The following UIMC1 variants were observed in gnomAD, a reference collection of about 807,000 sequenced individuals.
UIMC1 encodes ubiquitin interaction motif containing 1.
In UIMC1, 42 loss-of-function variants were observed where a neutral mutation model predicts 84.9. The observed-to-expected ratio is 0.49, with a 90% confidence interval of 0.39 to 0.64. The LOEUF is 0.64. UIMC1 is among the 30% of genes least tolerant of loss of function. The pLI is 0.00. For missense variants in UIMC1, 825 were observed against 847.6 expected (o/e 0.97, Z 0.33); for synonymous variants, 281 against 293.0 (o/e 0.96, Z 0.42).
intron 9 of UIMC1, among the ~76,000 whole-genome samples, chr5:176,947,004 C>T (rs866621128): frequency 5.9e-5 from 9 of 152,108 alleles, no homozygotes; most frequent in Admixed American, 1.3e-4. Flanking sequence ...TGTTACATGA[C>T]GCAAATGTGT....
At chr5:176,933,501 C>T (rs903165976) in intron 10 of UIMC1, among the ~76,000 whole-genome samples, 1 of 151,668 alleles carries the variant, frequency 6.6e-6, no homozygotes, top group Non-Finnish European at 1.5e-5. Context: ...TAAAGAACTA[C>T]ATTACAAGGC....
At chr5:177,011,662 G>A (rs974000111), upstream of UIMC1, among the ~76,000 whole-genome samples, 1 of 152,070 alleles carries the variant, frequency 6.6e-6, no homozygotes, top group Non-Finnish European at 1.5e-5. Flanking sequence ...CTTAGATTTG[G>A]CAATAATATA....
chr5:177,017,497 C>CCTGCCT lies in UIMC1; in HGVS notation c.-9+4961_-9+4966dup, dbSNP rs1240969761. Among the ~76,000 whole-genome samples, 5 of 152,276 alleles carry CCTGCCT rather than the reference C, an allele frequency of 3.3e-5. No homozygotes were observed. The South Asian group carries it at 1.0e-3, about 32-fold the overall frequency. ...CCGTCTCCTGGGTTCAAGCAATTCT[C>CCTGCCT]CTGCCTCTGCCTCCTGAGTAGCTGG... On this transcript the variant is annotated intron_variant, in intron 1 of 5. Transcript: ENST00000509236.
Position 176,906,002 on chromosome 5 carries a change from C to G in UIMC1, c.1949+9G>C, listed in dbSNP as rs773342128. 2 of 1,614,084 alleles carry G rather than the reference C, an allele frequency of 1.2e-6. No homozygotes were observed. The highest frequency in any genetic ancestry group is 1.7e-6 in the Non-Finnish European group (2 of 1,179,970). On this transcript the variant is annotated intron_variant, in intron 14 of 14. Transcript: ENST00000511320. ...TGACAGCCACAATTCAGTGCACAAT[C>G]CAATTCACCTGAAGGCTCCTGTTTC...
chr5:176,954,688 G>A (rs1403355142), intron 8 of UIMC1, among the ~76,000 whole-genome samples: 6 of 149,724 alleles, frequency 4.0e-5, no homozygotes, highest in Middle Eastern at 3.2e-3. Context: ...GGAGTTCAAG[G>A]TTACAGTCAG....
intron 1 of UIMC1, among the ~76,000 whole-genome samples, chr5:177,000,785 C>A: frequency 6.6e-6 from 1 of 152,212 alleles, no homozygotes; most frequent in South Asian, 2.1e-4. Flanking sequence ...CAAGCCTGAG[C>A]TACCGTGCCC....
At chr5:176,932,786 A>AC in intron 10 of UIMC1, among the ~76,000 whole-genome samples, 1 of 143,512 alleles carries the variant, frequency 7.0e-6, no homozygotes, top group East Asian at 2.0e-4. Context: ...GCCCCTGCTG[A>AC]CCCCCGGTGA....
chr5:176,936,728 C>G (rs1763756532), intron 10 of UIMC1, among the ~76,000 whole-genome samples: 1 of 152,176 alleles, frequency 6.6e-6, no homozygotes. Context: ...GTAGCACTCT[C>G]CCCACCTCAC....
rs565806253 is a variant in UIMC1, at chr5:176,925,240, G to GA, written c.1598-13852dup. 1.5e-4 allele frequency among the ~76,000 whole-genome samples: 23 copies of GA among 152,044 alleles called. No individual in the cohort carries two copies. In the South Asian group the frequency reaches 3.8e-3, roughly 25 times the overall value. ...ATACAAAATTAGACAACAATCATGT[G>GA]AAAAAAAGTGCTCAACATCATTAGC... On this transcript the variant is annotated intron_variant, in intron 10 of 14. Transcript: ENST00000511320.
intron 6 of UIMC1, among the ~76,000 whole-genome samples, chr5:176,968,111 C>T (rs1156675842): frequency 6.6e-6 from 1 of 152,026 alleles, no homozygotes; most frequent in African/African-American, 2.4e-5. Context: ...TGGTGGCTCA[C>T]GCCTGTAATC....
chr5:177,006,525 C>G (rs1024673899), intron 1 of UIMC1, 125 bp downstream of exon 1: 2 of 152,308 alleles, frequency 1.3e-5, no homozygotes, highest in African/African-American at 2.4e-5. Context: ...GCCCCGGCGT[C>G]GGGAGAGGCC....
In UIMC1 at chr5:176,960,865, G is replaced by A. The variant is rs1352406159; in HGVS notation, c.1201-2711C>T. On this transcript the variant is annotated intron_variant, in intron 6 of 14. Transcript: ENST00000511320. Reference sequence around the variant, plus strand: ...CCGGGCCGGTCTCCAGCCCCTAACCGCGAGTGATCCGCCAACCTCGGCCTC... The same window carrying A: ...CCGGGCCGGTCTCCAGCCCCTAACCACGAGTGATCCGCCAACCTCGGCCTC... Among the ~76,000 whole-genome samples, 2 of 60,890 alleles carry A rather than the reference G, an allele frequency of 3.3e-5. 1 individual carries two copies. The highest frequency in any genetic ancestry group is 5.9e-5 in the Non-Finnish European group (2 of 33,636). The allele number at this position is 60,890 out of a possible 152,430, so 39.9% of individuals were successfully genotyped here. A position where few individuals can be genotyped will look rare whatever the true frequency, so the allele number is the denominator to read the frequency against.
At chr5:176,917,132 C>G (rs954194152) in intron 10 of UIMC1, among the ~76,000 whole-genome samples, 4 of 152,128 alleles carry the variant, frequency 2.6e-5, no homozygotes, top group Non-Finnish European at 5.9e-5. Context: ...CTAAGATCAC[C>G]CCTCTTTCAG....
Position 176,975,422 on chromosome 5 carries a change from T to C in UIMC1, c.206A>G (p.Lys69Arg), listed in dbSNP as rs757253892. ...TGCGATTTTTCTTTTGGCCAAACAC[T>C]TTGCTCTATTCGACTGTTTTGTCTT... ...KTKTKQSNRA[K>R]CLAKRKIAQM... Residue 69 changes from lysine (K) to arginine (R), a missense_variant, in exon 3 of 15, where the codon AAG becomes AGG. Lys to Arg is a conservative substitution (Grantham distance 26, BLOSUM62 2). Transcript: ENST00000511320. 6.2e-7 allele frequency: 1 copy of C among 1,613,840 alleles called. No homozygotes were observed. Among genetic ancestry groups the C allele is most frequent in the East Asian group, 2.2e-5 (1 of 44,862 alleles).
chr5:177,021,722 G>C (rs1378832043), intron 1 of UIMC1, among the ~76,000 whole-genome samples: 6 of 151,868 alleles, frequency 4.0e-5, no homozygotes. Context: ...GCGCCAGCTC[G>C]GCTCACAGCA....
At chr5:176,911,170 G>T (rs868843585) in intron 11 of UIMC1, 141 bp downstream of exon 11, 14 of 187,752 alleles carry the variant, frequency 7.5e-5, no homozygotes, top group African/African-American at 1.3e-4. Context: ...GAAAAGAAAA[G>T]AAAAGAAAAT....
At chr5:176,918,802 C>CTACTG (rs1365069026) in intron 10 of UIMC1, among the ~76,000 whole-genome samples, 1 of 152,200 alleles carries the variant, frequency 6.6e-6, no homozygotes, top group African/African-American at 2.4e-5. Flanking sequence ...CAACTTCTTT[C>CTACTG]TACTGTACTT....
chr5:176,928,264 G>A (rs1238341701), intron 10 of UIMC1, among the ~76,000 whole-genome samples: 3 of 152,164 alleles, frequency 2.0e-5, no homozygotes, highest in Non-Finnish European at 4.4e-5. Context: ...GACTTGAGTA[G>A]TTGCGACAGA....
chr5:176,929,160 C>G (rs1407306685), intron 10 of UIMC1, among the ~76,000 whole-genome samples: 3 of 151,524 alleles, frequency 2.0e-5, no homozygotes, highest in Non-Finnish European at 4.4e-5. Flanking sequence ...GAGGCTGAGG[C>G]AGGAGAATCA....
Sources: gnomAD v4.1 joint callset for allele counts (sites outside exome capture counted in the v4.1 genomes callset) on GRCh38, gnomAD v4.1.1 for gene constraint, MANE v1.5 for transcripts, NCBI Gene and HGNC (gene_info 2026-07-23, HGNC 2026-07-21) for gene names.